The following ARHGAP24 variants were observed in gnomAD, a reference collection of about 807,000 sequenced individuals.
ARHGAP24 encodes rho GTPase-activating protein 24.
In ARHGAP24, 50 loss-of-function variants were observed where a neutral mutation model predicts 76.4. That is an observed-to-expected ratio of 0.65 (90% CI 0.52 to 0.83). ARHGAP24 has a LOEUF of 0.83. Among genes scored for constraint, ARHGAP24 ranks in the 40% least tolerant of loss-of-function variants. The probability of loss-of-function intolerance (pLI) is 0.00; values close to 1 mark genes in which losing one functional copy is unlikely to be tolerated. For synonymous variants in ARHGAP24, 345 were observed against 323.3 expected, an observed-to-expected ratio of 1.07 and a Z score of -0.72; for missense variants, 930 against 914.2, an observed-to-expected ratio of 1.02 and a Z score of -0.22.
chr4:85,794,436 AC>A (rs752574529), intron 3 of ARHGAP24, among the ~76,000 whole-genome samples: 9 of 152,212 alleles, frequency 5.9e-5, no homozygotes, highest in Non-Finnish European at 8.8e-5. Flanking sequence ...ATAATTGTAT[AC>A]AATGCTTTTT....
chr4:85,782,638 G>C (rs960855135), intron 3 of ARHGAP24, among the ~76,000 whole-genome samples: 4 of 152,172 alleles, frequency 2.6e-5, no homozygotes, highest in Non-Finnish European at 4.4e-5. Context: ...AAGATATTGA[G>C]ATTTCTGAAG....
At chr4:85,608,533 A>G (rs909814511) in intron 2 of ARHGAP24, among the ~76,000 whole-genome samples, 12 of 145,038 alleles carry the variant, frequency 8.3e-5, no homozygotes, top group African/African-American at 2.3e-4. Context: ...ATAGTACTCA[A>G]TGTTTTTTTG....
chr4:85,926,946 A>C (rs563545025), intron 4 of ARHGAP24, among the ~76,000 whole-genome samples: 1 of 152,180 alleles, frequency 6.6e-6, no homozygotes, highest in African/African-American at 2.4e-5. Context: ...TGCCTTATTG[A>C]TCGTATATTC....
chr4:85,717,013 G>C (rs1189628584), intron 2 of ARHGAP24, among the ~76,000 whole-genome samples: 1 of 152,082 alleles, frequency 6.6e-6, no homozygotes, highest in Admixed American at 6.6e-5. Context: ...AATTTATAGA[G>C]ATTAATCTCT....
intron 2 of ARHGAP24, among the ~76,000 whole-genome samples, chr4:85,635,790 A>G (rs1221368296): frequency 6.6e-6 from 1 of 151,936 alleles, no homozygotes; most frequent in African/African-American, 2.4e-5. Context: ...AGGTACCAAT[A>G]ATATAGCCGT....
chr4:85,967,433 T>G (rs534083511), intron 5 of ARHGAP24, among the ~76,000 whole-genome samples: 3 of 152,266 alleles, frequency 2.0e-5, no homozygotes, highest in African/African-American at 7.2e-5. Flanking sequence ...AAAGTAGACC[T>G]ATCAGAATAT....
chr4:85,721,814 A>C, intron 2 of ARHGAP24, 71 bp from the exon 3 acceptor site: 1 of 1,327,514 alleles, frequency 7.5e-7, no homozygotes, highest in South Asian at 1.2e-5. Context: ...TTGGATATTC[A>C]CTGATTATAA....
chr4:85,966,104 C>G (rs1354264847), intron 5 of ARHGAP24, among the ~76,000 whole-genome samples: 2 of 152,124 alleles, frequency 1.3e-5, no homozygotes, highest in East Asian at 3.8e-4. Context: ...TTGCAGATAA[C>G]TGTCTCTGAC....
chr4:85,625,981 G>T (rs1449412533), intron 2 of ARHGAP24, among the ~76,000 whole-genome samples: 4 of 152,122 alleles, frequency 2.6e-5, no homozygotes, highest in African/African-American at 4.8e-5. Flanking sequence ...CGTGAGATGG[G>T]TTTCCTGAAT....
intron 3 of ARHGAP24, among the ~76,000 whole-genome samples, chr4:85,747,303 T>C (rs566348213): frequency 6.6e-6 from 1 of 152,304 alleles, no homozygotes; most frequent in East Asian, 1.9e-4. Context: ...AAAATCCTTT[T>C]TTGGGAGGTA....
intron 3 of ARHGAP24, among the ~76,000 whole-genome samples, chr4:85,909,071 T>C (rs1734926431): frequency 6.6e-6 from 1 of 152,198 alleles, no homozygotes; most frequent in Non-Finnish European, 1.5e-5. Context: ...TTAATTCAGC[T>C]TAACTGACTA....
chr4:85,562,319 C>T (rs1451223283), intron 1 of ARHGAP24, among the ~76,000 whole-genome samples: 1 of 152,080 alleles, frequency 6.6e-6, no homozygotes, highest in East Asian at 1.9e-4. Context: ...TGATAGTAAT[C>T]AAGGAAAGAC....
intron 3 of ARHGAP24, among the ~76,000 whole-genome samples, chr4:85,879,029 A>G (rs1263080861): frequency 6.6e-6 from 1 of 152,256 alleles, no homozygotes; most frequent in Non-Finnish European, 1.5e-5. Context: ...TGGAAATGTT[A>G]CAAACGATGG....
chr4:85,579,003 T>TA (rs1186773336), intron 2 of ARHGAP24, among the ~76,000 whole-genome samples: 2 of 152,194 alleles, frequency 1.3e-5, no homozygotes, highest in Admixed American at 6.5e-5. Flanking sequence ...TTCAGAACAA[T>TA]ACTCTCCTTT....
intron 3 of ARHGAP24, among the ~76,000 whole-genome samples, chr4:85,913,547 A>T (rs1018802491): frequency 1.5e-4 from 23 of 152,016 alleles, no homozygotes; most frequent in African/African-American, 5.6e-4. Context: ...CTGTCTTTAA[A>T]TATCATCTCA....
At chr4:85,742,338 A>T (rs1725859087) in intron 3 of ARHGAP24, among the ~76,000 whole-genome samples, 2 of 152,216 alleles carry the variant, frequency 1.3e-5, no homozygotes, top group Admixed American at 1.3e-4. Context: ...AGAAGAGAGG[A>T]GAAGGAGGAG....
chr4:85,935,177 C>A (rs1283644318), intron 4 of ARHGAP24, among the ~76,000 whole-genome samples: 1 of 152,188 alleles, frequency 6.6e-6, no homozygotes, highest in African/African-American at 2.4e-5. Context: ...CTATCCAAAT[C>A]TATATAATTT....
chr4:85,666,921 C>A (rs1438500492), intron 2 of ARHGAP24, among the ~76,000 whole-genome samples: 2 of 152,166 alleles, frequency 1.3e-5, no homozygotes, highest in Non-Finnish European at 1.5e-5. Context: ...GGGTACCTCC[C>A]AGTTAGGCTC....
At chr4:85,678,596 G>T (rs80224924) in intron 2 of ARHGAP24, among the ~76,000 whole-genome samples, 2,570 of 152,264 alleles carry the variant, frequency 0.017, 72 homozygotes, top group African/African-American at 0.059. Flanking sequence ...GCTTCTGATT[G>T]TTCAGACTGT....
Sources: allele counts gnomAD v4.1 joint callset (sites outside exome capture counted in the v4.1 genomes callset), GRCh38; gene constraint gnomAD v4.1.1; transcripts MANE v1.5; gene names NCBI Gene and HGNC (gene_info 2026-07-23, HGNC 2026-07-21).